PSMA8: variants seen among roughly 807,000 people sequenced by gnomAD.
PSMA8 encodes proteasome 20S subunit alpha 8, also known as proteasome subunit alpha-type 8.
Under a neutral mutation model 32.4 loss-of-function variants are expected in PSMA8, and 18 were observed. The ratio of observed to expected loss-of-function variants is 0.56; its 90% CI spans 0.38 to 0.82. The LOEUF (loss-of-function observed/expected upper bound fraction) is 0.82. Ranked by LOEUF, PSMA8 falls within the 40% of genes least tolerant of loss-of-function variation. The probability of loss-of-function intolerance (pLI) is 0.00; values close to 1 mark genes in which losing one functional copy is unlikely to be tolerated. For synonymous variants in PSMA8, 104 were observed against 98.1 expected, an observed-to-expected ratio of 1.06 and a Z score of -0.36; for missense variants, 298 against 300.7, an observed-to-expected ratio of 0.99 and a Z score of 0.07.
intron 1 of PSMA8, among the ~76,000 whole-genome samples, chr18:26,136,510 G>C (rs1407787636): frequency 6.6e-6 from 1 of 152,118 alleles, no homozygotes; most frequent in Admixed American, 6.5e-5. Flanking sequence ...AGGGGAGAGA[G>C]GAAAGGGGAA....
chr18:26,140,000 C>A, intron 1 of PSMA8: 1 of 699,372 alleles, frequency 1.4e-6, no homozygotes, highest in South Asian at 1.5e-5. Flanking sequence ...AATTCTTTGT[C>A]AAGAAATTCA....
In PSMA8 at chr18:26,135,859, A is replaced by T. The variant is rs148059318; in HGVS notation, c.102+1792A>T. ...GCATTTTTAAAGATACATTGGAAGA[A>T]TGAGACACTTTTGTCTCAGAATTCT... On this transcript the variant is annotated intron_variant, in intron 1 of 6. Transcript: ENST00000415576. 5.2e-3 allele frequency among the ~76,000 whole-genome samples: 786 copies of T among 152,336 alleles called. 6 individuals are homozygous for T. The highest frequency in any genetic ancestry group is 0.018 in the African/African-American group (741 of 41,578).
At chr18:26,140,725 A>G (rs2054948712) in intron 1 of PSMA8, among the ~76,000 whole-genome samples, 1 of 152,234 alleles carries the variant, frequency 6.6e-6, no homozygotes, top group Non-Finnish European at 1.5e-5. Flanking sequence ...TAATTTTACT[A>G]AAGAGTTAGG....
intron 4 of PSMA8, among the ~76,000 whole-genome samples, chr18:26,166,663 A>G (rs1162330362): frequency 6.6e-6 from 1 of 152,208 alleles, no homozygotes; most frequent in African/African-American, 2.4e-5. Flanking sequence ...AAAACAGCCC[A>G]TCTTTTACGG....
At chr18:26,141,473 T>A (rs911603495) in intron 1 of PSMA8, among the ~76,000 whole-genome samples, 12 of 152,118 alleles carry the variant, frequency 7.9e-5, no homozygotes, top group African/African-American at 2.9e-4. Flanking sequence ...TATTTTGAGA[T>A]TTTTCTTTTA....
chr18:26,179,801 A>G (rs912337658), intron 6 of PSMA8, among the ~76,000 whole-genome samples: 3 of 152,056 alleles, frequency 2.0e-5, no homozygotes, highest in Non-Finnish European at 4.4e-5. Context: ...GGATTGTTTT[A>G]TACTCAAATA....
At chr18:26,166,709 A>G (rs2055183029) in intron 4 of PSMA8, among the ~76,000 whole-genome samples, 1 of 152,152 alleles carries the variant, frequency 6.6e-6, no homozygotes, top group African/African-American at 2.4e-5. Flanking sequence ...ATAAATAACC[A>G]TGGTTATTAG....
At chr18:26,155,229 T>C (rs2055079510) in intron 3 of PSMA8, among the ~76,000 whole-genome samples, 1 of 151,530 alleles carries the variant, frequency 6.6e-6, no homozygotes, top group Non-Finnish European at 1.5e-5. Flanking sequence ...AGTGAGACTC[T>C]GTCAAAAAAA....
At chr18:26,170,498 C>CTA (rs1363251025) in intron 4 of PSMA8, among the ~76,000 whole-genome samples, 1 of 130,790 alleles carries the variant, frequency 7.6e-6, no homozygotes, top group Non-Finnish European at 1.5e-5. Flanking sequence ...TGGCAGCTCA[C>CTA]TATAGCAGGT....
intron 1 of PSMA8, among the ~76,000 whole-genome samples, chr18:26,137,200 G>C (rs2054918235): frequency 6.6e-6 from 1 of 152,228 alleles, no homozygotes; most frequent in Admixed American, 6.5e-5. Flanking sequence ...GCTGATGCCT[G>C]TAATGCTAGC....
intron 6 of PSMA8, among the ~76,000 whole-genome samples, chr18:26,189,857 A>G (rs549163122): frequency 1.3e-5 from 2 of 152,366 alleles, no homozygotes; most frequent in South Asian, 2.1e-4. Flanking sequence ...TGTTAATTGC[A>G]GAACTGTTCA....
intron 4 of PSMA8, among the ~76,000 whole-genome samples, chr18:26,161,469 G>C (rs1718661331): frequency 6.6e-6 from 1 of 152,204 alleles, no homozygotes; most frequent in African/African-American, 2.4e-5. Context: ...AAGGTGATGA[G>C]AGAACATAGT....
At chr18:26,183,395 A>AAAAAAAAATTAAC (rs2055328182) in intron 6 of PSMA8, among the ~76,000 whole-genome samples, 1 of 150,544 alleles carries the variant, frequency 6.6e-6, no homozygotes, top group Admixed American at 6.6e-5. Context: ...CCGTCTAAAA[A>AAAAAAAAATTAAC]AAAAAAAATT....
intron 1 of PSMA8, among the ~76,000 whole-genome samples, chr18:26,134,395 G>A (rs984554582): frequency 1.3e-5 from 2 of 150,776 alleles, no homozygotes; most frequent in South Asian, 2.1e-4. Flanking sequence ...GTGTAGGGAC[G>A]TTAATGATGT....
intron 4 of PSMA8, among the ~76,000 whole-genome samples, chr18:26,163,674 G>T (rs1226935384): frequency 6.6e-6 from 1 of 152,170 alleles, no homozygotes; most frequent in Non-Finnish European, 1.5e-5. Context: ...ATCTTGTGGG[G>T]CTAGATCTTG....
rs1568057945 is a variant in PSMA8 at position 26,151,846 on chromosome 18, C to T, written c.230-12C>T. The T allele has an allele frequency of 6.4e-7, 1 of 1,573,156 alleles. No individual in the cohort carries two copies. The highest frequency in any genetic ancestry group is 1.2e-5 in the South Asian group (1 of 83,108). Reference sequence around the variant, plus strand: ...TTTTGTGGTTTTTGTGAAGTTTTGACAATTTTTATAGGACTTACTGCTGAT... The same window carrying T: ...TTTTGTGGTTTTTGTGAAGTTTTGATAATTTTTATAGGACTTACTGCTGAT... On this transcript the variant is annotated splice_polypyrimidine_tract_variant and intron_variant, in intron 2 of 6. Transcript: ENST00000415576.
intron 2 of PSMA8, among the ~76,000 whole-genome samples, chr18:26,146,302 G>T (rs2055003035): frequency 6.6e-6 from 1 of 151,786 alleles, no homozygotes; most frequent in Non-Finnish European, 1.5e-5. Context: ...GTCGAGGCAG[G>T]AGAATTACTT....
chr18:26,143,167 T>A (rs1349969392), intron 1 of PSMA8, among the ~76,000 whole-genome samples: 3 of 152,178 alleles, frequency 2.0e-5, no homozygotes, highest in Non-Finnish European at 4.4e-5. Flanking sequence ...ATAACATTGA[T>A]GAGAAAAAAA....
intron 1 of PSMA8, among the ~76,000 whole-genome samples, chr18:26,143,636 T>C (rs1568054467): frequency 6.6e-6 from 1 of 152,222 alleles, no homozygotes; most frequent in Non-Finnish European, 1.5e-5. Context: ...ATTTTTGCTT[T>C]GCAAACGTTT....
Sources: allele counts gnomAD v4.1 joint callset (sites outside exome capture counted in the v4.1 genomes callset), GRCh38; gene constraint gnomAD v4.1.1; transcripts MANE v1.5; gene names NCBI Gene and HGNC (gene_info 2026-07-23, HGNC 2026-07-21).